The following CTIF variants were observed in gnomAD, a reference collection of about 807,000 sequenced individuals.
The protein encoded by CTIF is cap binding complex dependent translation initiation factor, also known as CBP80/20-dependent translation initiation factor.
CTIF carries 21 observed loss-of-function variants against 66.0 expected under a neutral mutation model. That is an observed-to-expected ratio of 0.32 (90% CI 0.23 to 0.46). The LOEUF (loss-of-function observed/expected upper bound fraction) is 0.46, where lower values mean the gene tolerates loss of function less well. Among genes scored for constraint, CTIF ranks in the 20% least tolerant of loss-of-function variants. CTIF has a pLI of 1.00. For missense variants in CTIF, 739 were observed against 812.7 expected (o/e 0.91, Z 1.10); for synonymous variants, 345 against 326.4 (o/e 1.06, Z -0.62).
intron 3 of CTIF, among the ~76,000 whole-genome samples, chr18:48,645,221 T>C (rs1241863545): frequency 7.4e-6 from 1 of 135,360 alleles, no homozygotes; most frequent in Non-Finnish European, 1.5e-5. Context: ...AGGAGCTTGT[T>C]TTCTTTTTGC....
intron 1 of CTIF, among the ~76,000 whole-genome samples, chr18:48,610,688 C>A (rs1359926071): frequency 2.6e-5 from 4 of 152,264 alleles, no homozygotes; most frequent in African/African-American, 9.6e-5. Context: ...ATCTCCCTTG[C>A]CTTCCGGCCA....
intron 5 of CTIF, among the ~76,000 whole-genome samples, chr18:48,665,300 G>A (rs1263532132): frequency 6.6e-6 from 1 of 152,224 alleles, no homozygotes; most frequent in Non-Finnish European, 1.5e-5. Context: ...TGTCATGCCT[G>A]ATTTTACACT....
At chr18:48,739,838 C>T (rs909280831) in intron 7 of CTIF, among the ~76,000 whole-genome samples, 2 of 152,192 alleles carry the variant, frequency 1.3e-5, no homozygotes, top group African/African-American at 4.8e-5. Context: ...GGAATATTTA[C>T]CCGTCGGCTC....
chr18:48,810,206 C>T (rs1023204659), intron 9 of CTIF, among the ~76,000 whole-genome samples: 13 of 152,068 alleles, frequency 8.5e-5, no homozygotes, highest in Admixed American at 7.2e-4. Flanking sequence ...CAGCCCATAT[C>T]AGTCGGGATA....
intron 1 of CTIF, among the ~76,000 whole-genome samples, chr18:48,610,789 C>T (rs939689975): frequency 6.6e-6 from 1 of 152,254 alleles, no homozygotes; most frequent in Non-Finnish European, 1.5e-5. Context: ...GTGCCAAGCC[C>T]CAGCTCTGTT....
intron 3 of CTIF, among the ~76,000 whole-genome samples, chr18:48,654,191 C>T (rs1011070846): frequency 1.8e-4 from 27 of 152,224 alleles, no homozygotes; most frequent in Non-Finnish European, 3.1e-4. Context: ...GAATAGGCAA[C>T]CTACAGAATG....
chr18:48,558,606 C>A (rs1156400578), intron 1 of CTIF, among the ~76,000 whole-genome samples: 2 of 152,188 alleles, frequency 1.3e-5, no homozygotes, highest in Non-Finnish European at 2.9e-5. Flanking sequence ...CACCTAAAGA[C>A]AACTGTAGTA....
intron 2 of CTIF, among the ~76,000 whole-genome samples, chr18:48,635,603 G>A (rs2090805165): frequency 6.6e-6 from 1 of 152,064 alleles, no homozygotes; most frequent in African/African-American, 2.4e-5. Context: ...TGGATTATAG[G>A]TGTGAGCTGC....
At chr18:48,653,396 T>C (rs1386314280) in intron 3 of CTIF, among the ~76,000 whole-genome samples, 1 of 151,952 alleles carries the variant, frequency 6.6e-6, no homozygotes. Context: ...GAGAATAAAA[T>C]ACCTAGGAAT....
chr18:48,796,813 C>T (rs529384644), intron 9 of CTIF, among the ~76,000 whole-genome samples: 4 of 152,336 alleles, frequency 2.6e-5, no homozygotes, highest in South Asian at 2.1e-4. Context: ...CTACTGAAAT[C>T]GCGTGGGTAG....
At chr18:48,635,327 C>CTTTTTTTTTTTTTTTTTT (rs561455888) in intron 2 of CTIF, among the ~76,000 whole-genome samples, 3 of 113,378 alleles carry the variant, frequency 2.6e-5, no homozygotes, top group Non-Finnish European at 3.7e-5. Flanking sequence ...CTTTTTCTTT[C>CTTTTTTTTTTTTTTTTTT]TTTTTTTTTT....
intron 3 of CTIF, among the ~76,000 whole-genome samples, chr18:48,640,079 G>C (rs1329890897): frequency 2.0e-5 from 3 of 152,184 alleles, no homozygotes; most frequent in South Asian, 4.1e-4. Flanking sequence ...CCACTGAAGG[G>C]TGCCTTTGCT....
At chr18:48,850,718 A>C (rs12455494) in intron 10 of CTIF, among the ~76,000 whole-genome samples, 2 of 152,080 alleles carry the variant, frequency 1.3e-5, no homozygotes, top group Non-Finnish European at 2.9e-5. Flanking sequence ...GGCCCCCTGG[A>C]AGAGGCAGGC....
chr18:48,653,270 C>A (rs2091189338), intron 3 of CTIF, among the ~76,000 whole-genome samples: 1 of 152,232 alleles, frequency 6.6e-6, no homozygotes, highest in Non-Finnish European at 1.5e-5. Context: ...TGATAAGGAA[C>A]TTCAGCAAAG....
intron 6 of CTIF, among the ~76,000 whole-genome samples, chr18:48,691,090 A>G (rs2091918883): frequency 6.6e-6 from 1 of 152,176 alleles, no homozygotes; most frequent in African/African-American, 2.4e-5. Context: ...GAATCGGGTG[A>G]AGGAAATGTC....
intron 10 of CTIF, among the ~76,000 whole-genome samples, chr18:48,820,599 C>G (rs1300623769): frequency 6.6e-6 from 1 of 152,178 alleles, no homozygotes. Context: ...ACCCCAAGAC[C>G]CCCTGCTCAG....
chr18:48,596,716 T>A (rs909218568), intron 1 of CTIF, among the ~76,000 whole-genome samples: 1 of 152,128 alleles, frequency 6.6e-6, no homozygotes, highest in Non-Finnish European at 1.5e-5. Flanking sequence ...GATCTTGTGA[T>A]CCGCCCACCT....
chr18:48,728,998 A>G (rs956816223), intron 7 of CTIF, among the ~76,000 whole-genome samples: 1 of 152,114 alleles, frequency 6.6e-6, no homozygotes. Context: ...ACTCACCGGT[A>G]GCTTTGAATG....
At chr18:48,678,131 G>A (rs556597636) in intron 6 of CTIF, among the ~76,000 whole-genome samples, 6 of 152,218 alleles carry the variant, frequency 3.9e-5, no homozygotes, top group Middle Eastern at 3.4e-3. Context: ...TCCAGGAGAC[G>A]GTAGTCACGT....
Sources: allele counts gnomAD v4.1 joint callset (sites outside exome capture counted in the v4.1 genomes callset), GRCh38; gene constraint gnomAD v4.1.1; transcripts MANE v1.5; gene names NCBI Gene and HGNC (gene_info 2026-07-23, HGNC 2026-07-21).